Variants in SNTB2 observed in about 807,000 individuals in gnomAD.
SNTB2 encodes syntrophin beta 2, also known as beta-2-syntrophin.
Under a neutral mutation model 46.2 loss-of-function variants are expected in SNTB2, and 34 were observed. The ratio of observed to expected loss-of-function variants is 0.74; its 90% CI spans 0.56 to 0.98. The LOEUF (loss-of-function observed/expected upper bound fraction) is 0.98. Among genes scored for constraint, SNTB2 ranks in the 50% least tolerant of loss-of-function variants. The pLI, the probability that SNTB2 is intolerant of heterozygous loss-of-function variation, is 0.00. For missense variants in SNTB2, 603 were observed against 731.4 expected (o/e 0.82, Z 2.02); for synonymous variants, 290 against 312.6 (o/e 0.93, Z 0.76).
chr16:69,230,428 C>A (rs1034760923), intron 1 of SNTB2: 1 of 151,148 alleles, frequency 6.6e-6, no homozygotes, highest in African/African-American at 2.4e-5. Flanking sequence ...ACGGCGCAAT[C>A]TCGGCTGACG....
intron 1 of SNTB2, among the ~76,000 whole-genome samples, chr16:69,237,279 A>C (rs1964567788): frequency 6.6e-6 from 1 of 152,194 alleles, no homozygotes; most frequent in African/African-American, 2.4e-5. Context: ...ATGGCCAGAA[A>C]GAAGGAATAC....
chr16:69,215,074 C>T (rs1964333296), intron 1 of SNTB2, among the ~76,000 whole-genome samples: 1 of 152,034 alleles, frequency 6.6e-6, no homozygotes, highest in African/African-American at 2.4e-5. Context: ...AACTCCTGAC[C>T]ACAGATGATC....
intron 5 of SNTB2, among the ~76,000 whole-genome samples, chr16:69,292,363 TA>T (rs1443567307): frequency 6.0e-5 from 2 of 33,334 alleles, no homozygotes; most frequent in African/African-American, 1.5e-4. Flanking sequence ...TTTATATATA[TA>T]TATATATATA....
intron 1 of SNTB2, among the ~76,000 whole-genome samples, chr16:69,209,511 G>A (rs964004199): frequency 1.3e-5 from 2 of 152,122 alleles, no homozygotes; most frequent in Non-Finnish European, 2.9e-5. Flanking sequence ...TCTGCTTTAT[G>A]GTAATTCAAC....
chr16:69,240,530 G>T (rs1458326166), intron 1 of SNTB2: 6 of 152,248 alleles, frequency 3.9e-5, no homozygotes, highest in Non-Finnish European at 8.8e-5. Context: ...TACTTTAACA[G>T]TGACTGTCAA....
intron 5 of SNTB2, among the ~76,000 whole-genome samples, chr16:69,298,344 G>A (rs575582366): frequency 6.6e-6 from 1 of 152,094 alleles, no homozygotes; most frequent in South Asian, 2.1e-4. Flanking sequence ...CTTTTGCTGA[G>A]TATAGCCTTT....
At chr16:69,247,707 C>T (rs892463822) in intron 2 of SNTB2, among the ~76,000 whole-genome samples, 1 of 152,094 alleles carries the variant, frequency 6.6e-6, no homozygotes, top group African/African-American at 2.4e-5. Flanking sequence ...ATGTCATCAT[C>T]TTTAAAAAAA....
intron 2 of SNTB2, among the ~76,000 whole-genome samples, chr16:69,259,278 G>A (rs1567409070): frequency 8.7e-6 from 1 of 114,506 alleles, no homozygotes; most frequent in Non-Finnish European, 1.6e-5. Context: ...ACAGAGTTTC[G>A]CTCTGTCACC....
intron 3 of SNTB2, among the ~76,000 whole-genome samples, chr16:69,261,239 C>G (rs577451446): frequency 6.6e-6 from 1 of 151,508 alleles, no homozygotes; most frequent in Admixed American, 6.6e-5. Flanking sequence ...TTTGTTCTTT[C>G]ATTTTTGATT....
At chr16:69,282,790 A>G (rs924063921) in intron 4 of SNTB2, among the ~76,000 whole-genome samples, 4 of 151,428 alleles carry the variant, frequency 2.6e-5, no homozygotes, top group Non-Finnish European at 4.4e-5. Flanking sequence ...AGTTTTTCTC[A>G]TAGAGATTCT....
At chr16:69,266,694 AAG>A (rs1296157682) in intron 3 of SNTB2, among the ~76,000 whole-genome samples, 4 of 152,126 alleles carry the variant, frequency 2.6e-5, no homozygotes, top group African/African-American at 7.2e-5. Context: ...CTTATAACTT[AAG>A]GGGAAAAATT....
intron 2 of SNTB2, among the ~76,000 whole-genome samples, chr16:69,255,788 G>A (rs1256033950): frequency 6.6e-6 from 1 of 151,112 alleles, no homozygotes; most frequent in Non-Finnish European, 1.5e-5. Flanking sequence ...TGAGGCAGGA[G>A]AATCGCTTAA....
intron 5 of SNTB2, among the ~76,000 whole-genome samples, chr16:69,294,676 T>C (rs1965205911): frequency 6.6e-6 from 1 of 151,858 alleles, no homozygotes; most frequent in Non-Finnish European, 1.5e-5. Context: ...GAGGTTGCAG[T>C]GAGCCGAGAT....
At chr16:69,280,581 G>A (rs1255584071) in intron 4 of SNTB2, among the ~76,000 whole-genome samples, 2 of 149,462 alleles carry the variant, frequency 1.3e-5, no homozygotes, top group African/African-American at 5.0e-5. Flanking sequence ...GGCTGGCCGG[G>A]CGGGGGGCTG....
intron 1 of SNTB2, among the ~76,000 whole-genome samples, chr16:69,237,581 T>C (rs1407179789): frequency 1.4e-5 from 2 of 142,896 alleles, no homozygotes; most frequent in African/African-American, 5.4e-5. Context: ...GCATTTCTTT[T>C]TTTTTCTTTC....
At chr16:69,233,297 C>T (rs952334019) in intron 1 of SNTB2, among the ~76,000 whole-genome samples, 1 of 152,206 alleles carries the variant, frequency 6.6e-6, no homozygotes, top group Admixed American at 6.5e-5. Flanking sequence ...GTTCTGGTGA[C>T]TGTCCTGTGA....
chr16:69,220,706 A>AT lies in SNTB2; in HGVS notation c.581-24888dup, dbSNP rs74795770. On this transcript the variant is annotated intron_variant, in intron 1 of 6. Transcript: ENST00000336278. ...CCACATGCTTGGCTAATTAAAAAAA[A>AT]TTTTTTTTAGAGACAAGGTCTCCCT... Among the ~76,000 whole-genome samples the AT allele has an allele frequency of 2.6e-5, 4 of 151,762 alleles. No homozygotes were observed. In the East Asian group the frequency reaches 7.8e-4, roughly 29 times the overall value.
At chr16:69,241,127 T>G (rs1255031643) in intron 1 of SNTB2, among the ~76,000 whole-genome samples, 6 of 148,636 alleles carry the variant, frequency 4.0e-5, no homozygotes, top group Non-Finnish European at 3.0e-5. Context: ...CCCAAAGTGC[T>G]GGGATTACAG....
intron 1 of SNTB2, among the ~76,000 whole-genome samples, chr16:69,243,643 A>G (rs1964640190): frequency 6.6e-6 from 1 of 152,198 alleles, no homozygotes; most frequent in African/African-American, 2.4e-5. Context: ...TGCCTCTGCC[A>G]TTTGCAGTAA....
Sources: allele counts gnomAD v4.1 joint callset (sites outside exome capture counted in the v4.1 genomes callset), GRCh38; gene constraint gnomAD v4.1.1; transcripts MANE v1.5; gene names NCBI Gene and HGNC (gene_info 2026-07-23, HGNC 2026-07-21).